The following SLC3A1 variants were observed in gnomAD, a reference collection of about 807,000 sequenced individuals.
The protein encoded by SLC3A1 is amino acid transporter heavy chain SLC3A1.
In SLC3A1, 78 loss-of-function variants were observed where a neutral mutation model predicts 60.3. That is an observed-to-expected ratio of 1.29 (90% CI 1.08 to 1.56). The LOEUF is 1.56. Among genes scored for constraint, SLC3A1 ranks in the 40% most tolerant of loss-of-function variants. The probability of loss-of-function intolerance (pLI) is 0.00; values close to 1 mark genes in which losing one functional copy is unlikely to be tolerated. For missense variants in SLC3A1, 1,172 were observed against 858.9 expected (o/e 1.36, Z -4.56); for synonymous variants, 392 against 307.9 (o/e 1.27, Z -2.86).
At chr2:44,314,809 CATT>C (rs930190968) in intron 9 of SLC3A1, 14 of 151,732 alleles carry the variant, frequency 9.2e-5, no homozygotes, top group African/African-American at 3.4e-4. Flanking sequence ...TCTTGATTCT[CATT>C]ATGTCTAAAA....
chr2:44,285,563 G>C (rs1671594086), intron 3 of SLC3A1: 2 of 420,774 alleles, frequency 4.8e-6, no homozygotes, highest in Non-Finnish European at 9.6e-6. Context: ...GACTGGTAGA[G>C]ATTTTAAGTG....
At chr2:44,317,646 TAAA>T (rs1235687912) in intron 9 of SLC3A1, 26 of 152,282 alleles carry the variant, frequency 1.7e-4, no homozygotes, top group Admixed American at 1.6e-3. Context: ...AATTAGGACA[TAAA>T]AATAATTTTC....
intron 4 of SLC3A1, among the ~76,000 whole-genome samples, chr2:44,287,868 G>A (rs1671653304): frequency 6.6e-6 from 1 of 152,108 alleles, no homozygotes; most frequent in African/African-American, 2.4e-5. Flanking sequence ...AAGCTGTCAT[G>A]CTGGAGTCAC....
intron 6 of SLC3A1, chr2:44,301,451 C>G: frequency 1.9e-6 from 1 of 516,770 alleles, no homozygotes; most frequent in Admixed American, 3.2e-5. Flanking sequence ...TTTCAAAAAC[C>G]AGTTCCAGGC....
chr2:44,320,258 T>C lies in SLC3A1; in HGVS notation c.1677T>C (p.His559=). The C allele has an allele frequency of 1.2e-6, 2 of 1,614,120 alleles. No individual in the cohort carries two copies. The highest frequency in any genetic ancestry group is 2.2e-5 in the East Asian group (1 of 44,884). Residue 559 remains histidine (H), a synonymous_variant, in exon 10 of 10, where the codon CAT becomes CAC. Coordinates refer to ENST00000260649, the MANE Select transcript of SLC3A1 (RefSeq NM_000341.4). ...LKLYQDLSLL[H]ANELLLNRGW... The stretch of plus-strand genomic sequence containing the variant: ...TATATCAAGATTTAAGTCTACTTCA[T>C]GCCAATGAGCTACTCCTCAACAGGG...
In SLC3A1 at chr2:44,320,232, T is replaced by TTA. The variant is rs1277049137; in HGVS notation, c.1655_1656dup (p.Gln553IlefsTer4). Reference sequence around the variant, plus strand: ...GACTCAGCCCAGATCGGCTTTGAAGTTATATCAAGATTTAAGTCTACTTCA... The same window carrying TTA: ...GACTCAGCCCAGATCGGCTTTGAAGTTATATATCAAGATTTAAGTCTACTTCA... On this transcript the variant is annotated frameshift_variant, in exon 10 of 10. Transcript: ENST00000260649. LOFTEE classifies it low-confidence loss of function (END_TRUNC). 6.2e-7 allele frequency: 1 copy of TTA among 1,613,864 alleles called. No individual in the cohort carries two copies. Among genetic ancestry groups the TTA allele is most frequent in the Non-Finnish European group, 8.5e-7 (1 of 1,179,926 alleles).
intron 9 of SLC3A1, 62 bp downstream of exon 9, chr2:44,314,013 G>A (rs1468945278): frequency 1.9e-6 from 3 of 1,609,280 alleles, no homozygotes; most frequent in Admixed American, 1.7e-5. Flanking sequence ...TCTACTGAAA[G>A]TACACACTCA....
At chr2:44,285,692 C>G (rs776626250) in intron 3 of SLC3A1, 13 of 506,676 alleles carry the variant, frequency 2.6e-5, no homozygotes, top group Non-Finnish European at 4.4e-5. Flanking sequence ...CTTCTCTTCA[C>G]AAACAAGAGT....
At chr2:44,283,809 A>T (rs1215235932) in intron 3 of SLC3A1, among the ~76,000 whole-genome samples, 1 of 150,156 alleles carries the variant, frequency 6.7e-6, no homozygotes, top group Non-Finnish European at 1.5e-5. Flanking sequence ...ACTCTAAAAA[A>T]ATTATTTTTT....
chr2:44,290,116 T>G (rs2104348347), intron 4 of SLC3A1, among the ~76,000 whole-genome samples: 1 of 135,394 alleles, frequency 7.4e-6, no homozygotes, highest in South Asian at 2.4e-4. Flanking sequence ...GAAGGTAAGC[T>G]GTCCGACTTT....
At chr2:44,305,501 T>C (rs1427158073) in intron 7 of SLC3A1, among the ~76,000 whole-genome samples, 1 of 150,324 alleles carries the variant, frequency 6.7e-6, no homozygotes, top group Non-Finnish European at 1.5e-5. Context: ...GATCTTGGCT[T>C]ACTGCAACCT....
At chr2:44,275,989 G>A in intron 1 of SLC3A1, 24 bp downstream of exon 1, 1 of 1,607,752 alleles carries the variant, frequency 6.2e-7, no homozygotes, top group Non-Finnish European at 8.5e-7. Flanking sequence ...GATCATTTAG[G>A]GTGGGTGCCA....
intron 7 of SLC3A1, among the ~76,000 whole-genome samples, chr2:44,305,601 T>A (rs975601032): frequency 5.3e-5 from 8 of 151,840 alleles, no homozygotes; most frequent in African/African-American, 1.9e-4. Flanking sequence ...CTAATTTTTT[T>A]ATTTTTAGTA....
intron 6 of SLC3A1, 34 bp downstream of exon 6, chr2:44,301,161 G>A (rs1288391815): frequency 1.2e-6 from 2 of 1,613,982 alleles, no homozygotes; most frequent in African/African-American, 2.7e-5. Flanking sequence ...TTTCTTCCCA[G>A]GCTTAGTGTG....
At chr2:44,295,331 A>G (rs1304321875) in intron 4 of SLC3A1, among the ~76,000 whole-genome samples, 1 of 152,214 alleles carries the variant, frequency 6.6e-6, no homozygotes, top group Non-Finnish European at 1.5e-5. Context: ...CGTAGTGTAT[A>G]GTCCAGTTCC....
chr2:44,318,033 C>T, intron 9 of SLC3A1: 1 of 399,500 alleles, frequency 2.5e-6, no homozygotes, highest in South Asian at 1.8e-5. Context: ...CTAATAATTC[C>T]ATTCCTAATA....
intron 4 of SLC3A1, among the ~76,000 whole-genome samples, chr2:44,295,296 A>G (rs895164200): frequency 6.6e-6 from 1 of 152,188 alleles, no homozygotes; most frequent in Non-Finnish European, 1.5e-5. Flanking sequence ...GCGTGATGTC[A>G]TGGGAGTCAG....
At chr2:44,312,263 C>A (rs1021871620) in intron 7 of SLC3A1, among the ~76,000 whole-genome samples, 1 of 152,154 alleles carries the variant, frequency 6.6e-6, no homozygotes, top group African/African-American at 2.4e-5. Context: ...CCTTGTCTTG[C>A]TCTCTGCCAC....
chr2:44,304,618 A>G (rs1411620848), intron 7 of SLC3A1, among the ~76,000 whole-genome samples: 3 of 152,098 alleles, frequency 2.0e-5, no homozygotes, highest in African/African-American at 7.2e-5. Flanking sequence ...TTCTCCCCAC[A>G]TATCTCAGAG....
Sources: allele counts gnomAD v4.1 joint callset (sites outside exome capture counted in the v4.1 genomes callset), GRCh38; gene constraint gnomAD v4.1.1; transcripts MANE v1.5; gene names NCBI Gene and HGNC (gene_info 2026-07-23, HGNC 2026-07-21).